ZC3HAV1: variants seen among roughly 807,000 people sequenced by gnomAD.
The protein encoded by ZC3HAV1 is zinc finger CCCH-type containing, antiviral 1.
Under a neutral mutation model 86.6 loss-of-function variants are expected in ZC3HAV1, and 41 were observed. That is an observed-to-expected ratio of 0.47 (90% CI 0.37 to 0.61). ZC3HAV1 has a LOEUF of 0.61. ZC3HAV1 is among the 20% of genes least tolerant of loss of function. The pLI is 0.00. For missense variants in ZC3HAV1, 964 were observed against 1,141.1 expected (o/e 0.84, Z 2.24); for synonymous variants, 421 against 432.1 (o/e 0.97, Z 0.32).
intron 1 of ZC3HAV1, among the ~76,000 whole-genome samples, chr7:139,091,296 G>A (rs185744887): frequency 0.011 from 1,643 of 152,252 alleles, 33 homozygotes; most frequent in African/African-American, 0.038. Flanking sequence ...TCAGGAGATC[G>A]AGACGTCCTG....
chr7:139,080,893 G>A (rs1478899259), intron 3 of ZC3HAV1, among the ~76,000 whole-genome samples: 1 of 151,312 alleles, frequency 6.6e-6, no homozygotes, highest in Non-Finnish European at 1.5e-5. Context: ...GATTCACAAT[G>A]CTCAAAGAAA....
At chr7:139,066,871 G>A (rs1170351634) in intron 7 of ZC3HAV1, among the ~76,000 whole-genome samples, 1 of 152,162 alleles carries the variant, frequency 6.6e-6, no homozygotes, top group Non-Finnish European at 1.5e-5. Flanking sequence ...TAAAAGGCCG[G>A]AGACTTTCAA....
intron 1 of ZC3HAV1, among the ~76,000 whole-genome samples, chr7:139,101,326 C>G (rs1435169018): frequency 6.8e-6 from 1 of 147,276 alleles, no homozygotes; most frequent in South Asian, 2.2e-4. Context: ...GTGAGCAGCC[C>G]CTCTGCTCGG....
At chr7:139,088,511 T>G (rs539709316) in intron 2 of ZC3HAV1, among the ~76,000 whole-genome samples, 72 of 152,302 alleles carry the variant, frequency 4.7e-4, no homozygotes, top group Non-Finnish European at 8.1e-4. Flanking sequence ...ATGGTGACAG[T>G]GAGTACAGAC....
intron 5 of ZC3HAV1, among the ~76,000 whole-genome samples, chr7:139,077,552 A>G (rs1446710364): frequency 6.6e-6 from 1 of 152,030 alleles, no homozygotes; most frequent in African/African-American, 2.4e-5. Flanking sequence ...CATTTTATGG[A>G]TGTTTTCATG....
chr7:139,075,076 G>T (rs548351781), intron 6 of ZC3HAV1, among the ~76,000 whole-genome samples: 21 of 101,248 alleles, frequency 2.1e-4, no homozygotes, highest in Admixed American at 1.1e-3. Context: ...TGGGGCTGGT[G>T]GGGGGGTGGT....
chr7:139,053,503 C>A lies in ZC3HAV1; in HGVS notation c.2397G>T (p.Ser799=). The A allele has an allele frequency of 6.2e-7, 1 of 1,603,374 alleles. No individual in the cohort carries two copies. Among genetic ancestry groups the A allele is most frequent in the African/African-American group, 1.3e-5 (1 of 74,472 alleles). ...CATGTAGGAAACTGTCAAAATTATT[C>A]GAACAGATAGATTCCACATAGGCAC... ...TSRAYVESIC[S]NNFDSFLHET... The change falls in exon 12 of 13, where the codon TCG becomes TCT. Residue 799 remains serine, a synonymous_variant. Coordinates refer to ENST00000242351, the MANE Select transcript of ZC3HAV1 (RefSeq NM_020119.4).
chr7:139,053,664 T>C, intron 11 of ZC3HAV1, 83 bp from the exon 12 acceptor site: 7 of 1,474,040 alleles, frequency 4.7e-6, no homozygotes, highest in Non-Finnish European at 6.3e-6. Flanking sequence ...TAAAGTCTAA[T>C]CATCTAAAAA....
intron 7 of ZC3HAV1, 32 bp downstream of exon 7, chr7:139,073,824 A>G (rs756074324): frequency 1.5e-5 from 24 of 1,571,010 alleles, no homozygotes; most frequent in Non-Finnish European, 2.1e-5. Flanking sequence ...AAGTTTAAAC[A>G]AGAGCCCCCT....
At chr7:139,105,334 G>A (rs1817904285) in intron 1 of ZC3HAV1, among the ~76,000 whole-genome samples, 2 of 152,136 alleles carry the variant, frequency 1.3e-5, no homozygotes, top group African/African-American at 4.8e-5. Context: ...CTACAATAAG[G>A]ATGGGACTTA....
intron 9 of ZC3HAV1, among the ~76,000 whole-genome samples, chr7:139,058,887 G>A (rs1452273245): frequency 2.6e-5 from 4 of 152,058 alleles, no homozygotes; most frequent in East Asian, 1.9e-4. Context: ...CCAGCTTGGC[G>A]TCAAGGTTTA....
chr7:139,108,872 C>G lies in ZC3HAV1; in HGVS notation c.308+152G>C. ...TAGAAGCGCGGGCCCTGCAGAGGCT[C>G]CCAGAGGGGAGCAGAGAAGGGAGTG... On this transcript the variant is annotated intron_variant, in intron 1 of 12. Transcript: ENST00000242351. This position sits in a 1 kb window ranked among gnomAD's most constrained non-coding sequence, Gnocchi z 4.2. 2 of 1,055,014 alleles carry G rather than the reference C, an allele frequency of 1.9e-6. No individual in the cohort carries two copies. The highest frequency in any genetic ancestry group is 2.7e-6 in the Non-Finnish European group (2 of 743,272). The allele number at this position is 1,055,014 out of a possible 1,614,324, so 65.4% of individuals were successfully genotyped here.
chr7:139,065,478 C>T (rs536400699), intron 7 of ZC3HAV1, among the ~76,000 whole-genome samples: 1 of 152,246 alleles, frequency 6.6e-6, no homozygotes, highest in South Asian at 2.1e-4. Flanking sequence ...CCAATAGTTG[C>T]AGTGTTCAAA....
At chr7:139,058,170 C>T (rs1816341542) in intron 9 of ZC3HAV1, among the ~76,000 whole-genome samples, 1 of 135,166 alleles carries the variant, frequency 7.4e-6, no homozygotes, top group Non-Finnish European at 1.6e-5. Context: ...CCCTCCCCCA[C>T]TAACATGTTT....
Position 139,109,340 on chromosome 7 carries a change from G to A in ZC3HAV1, c.-9C>T. On this transcript the variant is annotated 5_prime_UTR_variant, in exon 1 of 13. Coordinates refer to ENST00000242351, the MANE Select transcript of ZC3HAV1 (RefSeq NM_020119.4). ...ACCTCCGGGTCCGCCATGGCGCGCTGGCTGTGCTGGCTCTGCCGCGGCGCG... is the reference window on the plus strand; with the variant it reads ...ACCTCCGGGTCCGCCATGGCGCGCTAGCTGTGCTGGCTCTGCCGCGGCGCG... 1.3e-6 allele frequency: 2 copies of A among 1,566,252 alleles called. No individual in the cohort carries two copies. The highest frequency in any genetic ancestry group is 1.7e-6 in the Non-Finnish European group (2 of 1,156,054).
intron 1 of ZC3HAV1, among the ~76,000 whole-genome samples, chr7:139,097,212 T>C (rs1817616021): frequency 6.7e-6 from 1 of 149,172 alleles, no homozygotes; most frequent in African/African-American, 2.5e-5. Flanking sequence ...ATGCAGATTC[T>C]CAGGCCCCAA....
intron 9 of ZC3HAV1, among the ~76,000 whole-genome samples, chr7:139,058,450 C>T (rs921214919): frequency 2.0e-5 from 3 of 148,614 alleles, no homozygotes; most frequent in East Asian, 4.2e-4. Context: ...ACCCCCCCCC[C>T]CCCCACAAAA....
intron 2 of ZC3HAV1, among the ~76,000 whole-genome samples, chr7:139,089,328 C>T (rs1817365214): frequency 6.6e-6 from 1 of 152,130 alleles, no homozygotes; most frequent in Non-Finnish European, 1.5e-5. Flanking sequence ...CTCCAAGAAG[C>T]CACCTTGATT....
chr7:139,064,333 A>G (rs540424551), intron 8 of ZC3HAV1, among the ~76,000 whole-genome samples: 2 of 152,344 alleles, frequency 1.3e-5, no homozygotes, highest in Admixed American at 6.5e-5. Context: ...ATCTAACTAA[A>G]CACAGCAGGT....
Sources: gnomAD v4.1 joint callset for allele counts (sites outside exome capture counted in the v4.1 genomes callset) on GRCh38, gnomAD v4.1.1 for gene constraint, Gnocchi (gnomAD v3.1) non-coding constraint, MANE v1.5 for transcripts, NCBI Gene and HGNC (gene_info 2026-07-23, HGNC 2026-07-21) for gene names.